The following SBNO2 variants were observed in gnomAD, a reference collection of about 807,000 sequenced individuals.
SBNO2 encodes strawberry notch homolog 2.
SBNO2 carries 89 observed loss-of-function variants against 146.3 expected under a neutral mutation model. The observed-to-expected ratio is 0.61, with a 90% CI of 0.51 to 0.73. SBNO2 has a LOEUF of 0.73. Among genes scored for constraint, SBNO2 ranks in the 30% least tolerant of loss-of-function variants. SBNO2 has a pLI of 0.00. For missense variants in SBNO2, 2,092 were observed against 2,003.7 expected, an observed-to-expected ratio of 1.04 and a Z score of -0.84; for synonymous variants, 1,147 against 892.6, an observed-to-expected ratio of 1.29 and a Z score of -5.08.
chr19:1,173,372 G>A lies in SBNO2; in HGVS notation c.-127+800C>T, dbSNP rs2080499860. Among the ~76,000 whole-genome samples the A allele has an allele frequency of 2.6e-5, 4 of 152,288 alleles. No individual in the cohort carries two copies. In the South Asian group the frequency reaches 8.3e-4, roughly 32 times the overall value. Reference sequence around the variant, plus strand: ...CGCACTCCCACCCCCAACACGCTCTGCAGACTCCGCCCAGACGGCCCCGGG... The same window carrying A: ...CGCACTCCCACCCCCAACACGCTCTACAGACTCCGCCCAGACGGCCCCGGG... On this transcript the variant is annotated intron_variant, in intron 1 of 31. Coordinates refer to ENST00000361757, the MANE Select transcript of SBNO2 (RefSeq NM_014963.3). This position sits in a 1 kb window ranked among gnomAD's most constrained non-coding sequence, Gnocchi z 4.7.
intron 17 of SBNO2, among the ~76,000 whole-genome samples, chr19:1,114,869 G>C (rs924851661): frequency 6.6e-6 from 1 of 151,272 alleles, no homozygotes; most frequent in South Asian, 2.1e-4. Context: ...TCCTGACCTC[G>C]TGATCCACCT....
chr19:1,132,211 G>C (rs541469975), intron 4 of SBNO2: 2 of 1,350,200 alleles, frequency 1.5e-6, no homozygotes, highest in South Asian at 1.7e-5. Context: ...CGCGGCAGCA[G>C]CCCCAGCATT....
At position 1,112,792 on chromosome 19, in the gene SBNO2, G is replaced by C. The variant is rs373547919; in HGVS notation, c.2379+26C>G. 3.2e-6 allele frequency: 5 copies of C among 1,547,732 alleles called. No homozygotes were observed. Among genetic ancestry groups the C allele is most frequent in the Non-Finnish European group, 4.4e-6 (5 of 1,147,370 alleles). ...CTGTGCCTCTTGGGTCCCGTGGGCC[G>C]CGCCCAGTGCACTGCAGCCCCGCAC... On this transcript the variant is annotated intron_variant, in intron 20 of 31. Coordinates refer to ENST00000361757, the MANE Select transcript of SBNO2 (RefSeq NM_014963.3). The surrounding 1 kb of genome is among the most constrained non-coding windows in gnomAD (Gnocchi z 5.9).
At position 1,140,373 on chromosome 19, in the gene SBNO2, AG is replaced by A. The variant is rs1231587372; in HGVS notation, c.279+6935del. On this transcript the variant is annotated intron_variant, in intron 4 of 31. Transcript: ENST00000361757. This position sits in a 1 kb window ranked among gnomAD's most constrained non-coding sequence, Gnocchi z 4.4. Reference sequence around the variant, plus strand: ...CCACGGTTCACCTGCACACCGCGGCAGGGGGCCCCACCAGGACACACGGGGC... The same window carrying A: ...CCACGGTTCACCTGCACACCGCGGCAGGGGCCCCACCAGGACACACGGGGC... Among the ~76,000 whole-genome samples, 6 of 151,914 alleles carry A rather than the reference AG, an allele frequency of 3.9e-5. No homozygotes were observed. The East Asian group carries it at 1.2e-3, about 30-fold the overall frequency.
intron 4 of SBNO2, among the ~76,000 whole-genome samples, chr19:1,142,690 A>C (rs1473233920): frequency 6.6e-6 from 1 of 151,036 alleles, no homozygotes; most frequent in African/African-American, 2.4e-5. Flanking sequence ...AAAAAACAAT[A>C]GGCCAGGTGC....
At position 1,123,059 on chromosome 19, in the gene SBNO2, G is replaced by A. The variant is rs2079922561; in HGVS notation, c.629-14C>T. On this transcript the variant is annotated splice_polypyrimidine_tract_variant and intron_variant, in intron 7 of 31. Coordinates refer to ENST00000361757, the MANE Select transcript of SBNO2 (RefSeq NM_014963.3). Reference sequence around the variant, plus strand: ...TCCCGATCTTGGCTGGAGGAGCAAGGACGGAGGGCAAGGTAAAGGGTATGG... The same window carrying A: ...TCCCGATCTTGGCTGGAGGAGCAAGAACGGAGGGCAAGGTAAAGGGTATGG... The A allele has an allele frequency of 1.3e-6, 2 of 1,590,472 alleles. No homozygotes were observed. The highest frequency in any genetic ancestry group is 2.3e-5 in the East Asian group (1 of 43,764).
At chr19:1,127,469 G>A (rs993619956) in intron 5 of SBNO2, 135 bp downstream of exon 5, 8 of 841,586 alleles carry the variant, frequency 9.5e-6, no homozygotes, top group Non-Finnish European at 1.5e-5. Context: ...GGCCACAGAT[G>A]GCGCCGACAG....
chr19:1,158,568 C>T lies in SBNO2; in HGVS notation c.-126-4166G>A, dbSNP rs992347419. On this transcript the variant is annotated intron_variant, in intron 1 of 31. Transcript: ENST00000361757. The surrounding 1 kb of genome is among the most constrained non-coding windows in gnomAD (Gnocchi z 9.9). ...CCGGGTTCTGGTCTCCTGGCACACC[C>T]GGCAGCATCTCAAGGCCTGCGCCAG... is the stretch of plus-strand genomic sequence containing the variant. Among the ~76,000 whole-genome samples the T allele has an allele frequency of 8.5e-5, 13 of 152,342 alleles. No homozygotes were observed. Among genetic ancestry groups the T allele is most frequent in the African/African-American group, 1.2e-4 (5 of 41,574 alleles).
intron 17 of SBNO2, among the ~76,000 whole-genome samples, chr19:1,114,930 G>C (rs190539984): frequency 6.9e-4 from 104 of 151,574 alleles, no homozygotes; most frequent in Admixed American, 1.2e-3. Flanking sequence ...ACCACGCCTG[G>C]CTTATTTATT....
chr19:1,122,372 GCCTGCCCTGGCTGCTGGC>G (rs1344346096), intron 10 of SBNO2, 78 bp downstream of exon 10: 1 of 1,514,414 alleles, frequency 6.6e-7, no homozygotes, highest in East Asian at 2.4e-5. Context: ...GCTGGGCAGA[GCCTGCCCTGGCTGCTGGC>G]CCACCCAGCT....
chr19:1,109,148 T>C lies in SBNO2; in HGVS notation c.3412A>G (p.Ser1138Gly). The stretch of plus-strand genomic sequence containing the variant: ...GCCCGCCCTCACCAGGCGCTGTGGC[T>C]GCAGTGCGTCAGCGACAAAGCGTAG... ...SGYALSLTHCSHSAWNRHCRL... is the reference protein window; with the variant it reads ...SGYALSLTHCGHSAWNRHCRL... Residue 1138 changes from serine (S) to glycine (G), a missense_variant, in exon 30 of 32, where the codon AGC becomes GGC. Coordinates refer to ENST00000361757, the MANE Select transcript of SBNO2 (RefSeq NM_014963.3). This position sits in a 1 kb window ranked among gnomAD's most constrained non-coding sequence, Gnocchi z 4.2. 2 of 1,554,136 alleles carry C rather than the reference T, an allele frequency of 1.3e-6. No individual in the cohort carries two copies. Among genetic ancestry groups the C allele is most frequent in the South Asian group, 2.4e-5 (2 of 84,416 alleles).
chr19:1,142,590 G>A (rs2080151602), intron 4 of SBNO2, among the ~76,000 whole-genome samples: 1 of 152,204 alleles, frequency 6.6e-6, no homozygotes, highest in African/African-American at 2.4e-5. Flanking sequence ...TGAGGCAGAA[G>A]AATGGCTCAC....
intron 7 of SBNO2, 101 bp from the exon 8 acceptor site, chr19:1,123,146 G>A (rs2079924014): frequency 1.4e-6 from 2 of 1,388,914 alleles, no homozygotes; most frequent in Non-Finnish European, 2.0e-6. Flanking sequence ...GCCAGAGCTG[G>A]CGGGGCAGTT....
At chr19:1,131,984 TGAGATG>T in intron 4 of SBNO2, 1 of 766,174 alleles carries the variant, frequency 1.3e-6, no homozygotes, top group Non-Finnish European at 2.0e-6. Context: ...GACTCTAGGA[TGAGATG>T]CCGGCTGCTC....
chr19:1,118,929 C>A, intron 14 of SBNO2, 82 bp downstream of exon 14: 1 of 1,431,532 alleles, frequency 7.0e-7, no homozygotes, highest in Non-Finnish European at 9.4e-7. Flanking sequence ...CCTGATGACG[C>A]CTGTGGCATC....
At position 1,144,101 on chromosome 19, in the gene SBNO2, C is replaced by T. The variant is rs879732790; in HGVS notation, c.279+3208G>A. Among the ~76,000 whole-genome samples the T allele has an allele frequency of 1.3e-5, 2 of 152,152 alleles. No homozygotes were observed. The highest frequency in any genetic ancestry group is 2.4e-5 in the African/African-American group (1 of 41,420). ...GCTCCTTCCTGGCTCCGCAGAACCA[C>T]GCGGCCCAGCCCACAGGCCTGGGCT... On this transcript the variant is annotated intron_variant, in intron 4 of 31. Coordinates refer to ENST00000361757, the MANE Select transcript of SBNO2 (RefSeq NM_014963.3). The surrounding 1 kb of genome is among the most constrained non-coding windows in gnomAD (Gnocchi z 4.1).
At chr19:1,164,232 A>T (rs2145342139) in intron 1 of SBNO2, among the ~76,000 whole-genome samples, 1 of 152,292 alleles carries the variant, frequency 6.6e-6, no homozygotes, top group Middle Eastern at 3.4e-3. Context: ...CCAAGCTCGG[A>T]GATGGCCAGG....
In SBNO2 at chr19:1,109,535, G is replaced by C; in HGVS notation, c.3187C>G (p.Pro1063Ala). 6.2e-7 allele frequency: 1 copy of C among 1,601,478 alleles called. No homozygotes were observed. The highest frequency in any genetic ancestry group is 8.5e-7 in the Non-Finnish European group (1 of 1,175,232). Residue 1063 changes from proline (P) to alanine (A), a missense_variant, in exon 28 of 32, where the codon CCC becomes GCC. Coordinates refer to ENST00000361757, the MANE Select transcript of SBNO2 (RefSeq NM_014963.3). This position sits in a 1 kb window ranked among gnomAD's most constrained non-coding sequence, Gnocchi z 4.2. ...TAGGAGAGGTAGAAGCCGTCATAGGGGCCCGTCAGCGCCAGCGACTTGGCA... is the reference window on the plus strand; with the variant it reads ...TAGGAGAGGTAGAAGCCGTCATAGGCGCCCGTCAGCGCCAGCGACTTGGCA... Reference protein sequence around the residue: ...AFAKSLALTGPYDGFYLSYKV... With the variant: ...AFAKSLALTGAYDGFYLSYKV...
chr19:1,172,162 T>C (rs568892752), intron 1 of SBNO2, among the ~76,000 whole-genome samples: 14 of 152,230 alleles, frequency 9.2e-5, no homozygotes, highest in African/African-American at 3.4e-4. Context: ...TGCTCTGAAA[T>C]CACACTCCAG....
Sources: gnomAD v4.1 joint callset for allele counts (sites outside exome capture counted in the v4.1 genomes callset) on GRCh38, gnomAD v4.1.1 for gene constraint, Gnocchi (gnomAD v3.1) non-coding constraint, MANE v1.5 for transcripts, NCBI Gene and HGNC (gene_info 2026-07-23, HGNC 2026-07-21) for gene names.